Variants in CLIC4 observed in about 807,000 individuals in gnomAD.
CLIC4 encodes the protein CLIC family member 4.
A neutral mutation model predicts 24.6 loss-of-function variants in CLIC4; 13 were observed. The observed-to-expected ratio is 0.53, with a 90% CI of 0.34 to 0.84. The LOEUF (loss-of-function observed/expected upper bound fraction) is 0.84. CLIC4 is among the 40% of genes least tolerant of loss of function. CLIC4 has a pLI of 0.01. For missense variants in CLIC4, 227 were observed against 301.7 expected (o/e 0.75, Z 1.83); for synonymous variants, 104 against 111.3 (o/e 0.93, Z 0.41).
intron 4 of CLIC4, among the ~76,000 whole-genome samples, chr1:24,839,624 C>T (rs1639921639): frequency 6.6e-6 from 1 of 152,178 alleles, no homozygotes; most frequent in East Asian, 1.9e-4. Flanking sequence ...TTTACAAATA[C>T]CACTGCCTGA....
In CLIC4 at chr1:24,814,209, T is replaced by C. The variant is rs1571258127; in HGVS notation, c.298T>C (p.Cys100Arg). The change falls in exon 3 of 6, where the codon TGC becomes CGC. Residue 100 changes from cysteine (C) to arginine (R), a missense_variant. Transcript: ENST00000374379. Reference protein sequence around the residue: ...KIEEFLEEVLCPPKYLKLSPK... With the variant: ...KIEEFLEEVLRPPKYLKLSPK... ...TGAGGAATTTCTTGAAGAAGTCTTA[T>C]GCCCTCCCAAGTGAGTATCAAGGAA... The C allele has an allele frequency of 2.5e-6, 4 of 1,613,388 alleles. No homozygotes were observed. Among genetic ancestry groups the C allele is most frequent in the South Asian group, 2.2e-5 (2 of 90,774 alleles).
At chr1:24,802,199 A>C (rs540107307) in intron 2 of CLIC4, among the ~76,000 whole-genome samples, 2 of 152,226 alleles carry the variant, frequency 1.3e-5, no homozygotes, top group Non-Finnish European at 2.9e-5. Flanking sequence ...TGCCATAAAC[A>C]TGGGAATCTG....
chr1:24,816,234 GTTTTTTTTT>G (rs71752506), intron 3 of CLIC4, among the ~76,000 whole-genome samples: 14 of 62,124 alleles, frequency 2.3e-4, no homozygotes, highest in African/African-American at 3.0e-4. Context: ...GAATGTTCGT[GTTTTTTTTT>G]TTTTTTTTTT....
chr1:24,771,964 T>G (rs1218479148), intron 1 of CLIC4: 1 of 423,512 alleles, frequency 2.4e-6, no homozygotes, highest in Non-Finnish European at 4.8e-6. Flanking sequence ...TAGGCTTGGC[T>G]TAAGCTTAGG....
At chr1:24,801,172 T>C (rs1013456648) in intron 2 of CLIC4, among the ~76,000 whole-genome samples, 4 of 152,214 alleles carry the variant, frequency 2.6e-5, no homozygotes, top group African/African-American at 9.6e-5. Flanking sequence ...GCTATTATAC[T>C]GATTTTTAAA....
At chr1:24,822,456 C>T (rs1345085618) in intron 3 of CLIC4, among the ~76,000 whole-genome samples, 1 of 139,856 alleles carries the variant, frequency 7.2e-6, no homozygotes, top group East Asian at 2.3e-4. Flanking sequence ...TGAAGCAATT[C>T]TCCTGCCTCA....
chr1:24,801,493 C>G (rs1342909971), intron 2 of CLIC4, among the ~76,000 whole-genome samples: 5 of 152,150 alleles, frequency 3.3e-5, no homozygotes, highest in East Asian at 1.9e-4. Flanking sequence ...CCCACAAGGC[C>G]CCTCTTCCAC....
chr1:24,806,189 A>G (rs1379364663), intron 2 of CLIC4, among the ~76,000 whole-genome samples: 1 of 152,202 alleles, frequency 6.6e-6, no homozygotes, highest in Non-Finnish European at 1.5e-5. Flanking sequence ...AGTTTCATTT[A>G]TCTCAAACTG....
chr1:24,831,534 A>G (rs1639840478), intron 4 of CLIC4, among the ~76,000 whole-genome samples: 1 of 152,240 alleles, frequency 6.6e-6, no homozygotes, highest in Non-Finnish European at 1.5e-5. Context: ...AATTCAGGCA[A>G]CATTATCTTC....
At chr1:24,802,936 T>A (rs1047896283) in intron 2 of CLIC4, among the ~76,000 whole-genome samples, 2 of 152,268 alleles carry the variant, frequency 1.3e-5, no homozygotes, top group East Asian at 3.9e-4. Flanking sequence ...CTTGAACTCC[T>A]GGGCTCAAGC....
At chr1:24,781,577 G>A (rs1483629681) in intron 1 of CLIC4, among the ~76,000 whole-genome samples, 6 of 152,054 alleles carry the variant, frequency 3.9e-5, no homozygotes, top group African/African-American at 1.2e-4. Context: ...CAGGATGAAC[G>A]GGAGTGGGGG....
chr1:24,770,714 C>T (rs1378318814), intron 1 of CLIC4, among the ~76,000 whole-genome samples: 2 of 133,482 alleles, frequency 1.5e-5, no homozygotes, highest in Non-Finnish European at 3.3e-5. Flanking sequence ...TGTCATTTTC[C>T]TCACACCAAT....
chr1:24,780,029 T>C (rs1252935623), intron 1 of CLIC4, among the ~76,000 whole-genome samples: 1 of 152,186 alleles, frequency 6.6e-6, no homozygotes, highest in Non-Finnish European at 1.5e-5. Flanking sequence ...CTGGCATTCC[T>C]TACCCCCTTT....
intron 2 of CLIC4, among the ~76,000 whole-genome samples, chr1:24,810,525 G>A (rs1639601914): frequency 1.3e-5 from 2 of 152,026 alleles, no homozygotes; most frequent in African/African-American, 4.8e-5. Flanking sequence ...CAGTTATGTG[G>A]GTTATATCTA....
chr1:24,777,702 T>C (rs182957291), intron 1 of CLIC4, among the ~76,000 whole-genome samples: 1 of 152,270 alleles, frequency 6.6e-6, no homozygotes, highest in East Asian at 1.9e-4. Context: ...GTTTGAAATA[T>C]GTCTAGTTTG....
In CLIC4 at chr1:24,745,676, G is replaced by A. The variant is rs372015517; in HGVS notation, c.72+51G>A. 8.2e-6 allele frequency: 12 copies of A among 1,468,736 alleles called. No homozygotes were observed. In the African/African-American group the frequency reaches 8.8e-5, roughly 11 times the overall value. 91.0% of individuals were successfully genotyped at this position (1,468,736 alleles called of 1,614,324 possible). A position where few individuals can be genotyped will look rare whatever the true frequency, so the allele number is the denominator to read the frequency against. On this transcript the variant is annotated intron_variant, in intron 1 of 5. Transcript: ENST00000374379. ...CCGGCAGATCCCCCGGCTCCCTCCC[G>A]GCTGCGGGGAGCGGCGTCCCGGGGC...
At chr1:24,755,097 G>C (rs573020530) in intron 1 of CLIC4, among the ~76,000 whole-genome samples, 4 of 150,118 alleles carry the variant, frequency 2.7e-5, no homozygotes, top group African/African-American at 9.7e-5. Flanking sequence ...ATTATAGGCT[G>C]GGCAAAATAG....
chr1:24,838,760 C>T (rs1639910196), intron 4 of CLIC4, among the ~76,000 whole-genome samples: 1 of 151,978 alleles, frequency 6.6e-6, no homozygotes, highest in Admixed American at 6.5e-5. Flanking sequence ...TAATGACATT[C>T]CTACCCCCTT....
intron 2 of CLIC4, among the ~76,000 whole-genome samples, chr1:24,807,266 C>T (rs928136133): frequency 3.3e-5 from 5 of 151,484 alleles, no homozygotes; most frequent in Admixed American, 1.3e-4. Flanking sequence ...CCGACCTACC[C>T]CTTTGGGTTT....
Sources: gnomAD v4.1 joint callset for allele counts (sites outside exome capture counted in the v4.1 genomes callset) on GRCh38, gnomAD v4.1.1 for gene constraint, MANE v1.5 for transcripts, NCBI Gene and HGNC (gene_info 2026-07-23, HGNC 2026-07-21) for gene names.